The following ENTPD7 variants were observed in gnomAD, a reference collection of about 807,000 sequenced individuals.
ENTPD7 encodes NTPDase 7.
A neutral mutation model predicts 77.9 loss-of-function variants in ENTPD7; 53 were observed. The ratio of observed to expected loss-of-function variants is 0.68; its 90% CI spans 0.55 to 0.85. The LOEUF is 0.85. Ranked by LOEUF, ENTPD7 falls within the 40% of genes least tolerant of loss-of-function variation. The probability of loss-of-function intolerance (pLI) is 0.00; values close to 1 mark genes in which losing one functional copy is unlikely to be tolerated. For missense variants in ENTPD7, 636 were observed against 743.7 expected (o/e 0.86, Z 1.68); for synonymous variants, 248 against 274.9 (o/e 0.90, Z 0.97).
chr10:99,681,155 T>C (rs1210368072), intron 5 of ENTPD7, among the ~76,000 whole-genome samples: 2 of 152,230 alleles, frequency 1.3e-5, no homozygotes, highest in Non-Finnish European at 2.9e-5. Context: ...TCTTGGTTAT[T>C]GTAAATAATG....
chr10:99,689,622 A>G (rs1475013292), intron 7 of ENTPD7, among the ~76,000 whole-genome samples: 1 of 152,242 alleles, frequency 6.6e-6, no homozygotes, highest in Non-Finnish European at 1.5e-5. Context: ...TACTCACATC[A>G]GGAGTTTTGT....
intron 3 of ENTPD7, among the ~76,000 whole-genome samples, chr10:99,673,321 CAAAA>C (rs370518830): frequency 7.0e-6 from 1 of 143,172 alleles, no homozygotes; most frequent in East Asian, 2.0e-4. Flanking sequence ...TTATATATGA[CAAAA>C]AAAAAAGAAA....
intron 9 of ENTPD7, among the ~76,000 whole-genome samples, 191 bp from the exon 10 acceptor site, chr10:99,698,343 C>T (rs901222428): frequency 2.6e-5 from 4 of 152,084 alleles, no homozygotes; most frequent in Admixed American, 6.5e-5. Flanking sequence ...CACCATATTC[C>T]TCTCTTTTTT....
chr10:99,660,315 G>A, intron 2 of ENTPD7: 1 of 985,362 alleles, frequency 1.0e-6, no homozygotes, highest in Non-Finnish European at 1.2e-6. Flanking sequence ...TTTAAAAGCA[G>A]ACAGACCGAG....
At chr10:99,693,557 A>G (rs1035595280) in intron 8 of ENTPD7, among the ~76,000 whole-genome samples, 7 of 152,200 alleles carry the variant, frequency 4.6e-5, no homozygotes, top group African/African-American at 1.4e-4. Flanking sequence ...GTGCAGATTT[A>G]GAAAGGAACA....
At position 99,710,443 on chromosome 10, in the gene ENTPD7, A is replaced by G. The variant is rs2036345459; in HGVS notation, c.*5760A>G. 2 of 977,520 alleles carry G rather than the reference A, an allele frequency of 2.0e-6. No individual in the cohort carries two copies. 60.6% of individuals were successfully genotyped at this position (977,520 alleles called of 1,614,324 possible). A position where few individuals can be genotyped will look rare whatever the true frequency, so the allele number is the denominator to read the frequency against. On this transcript the variant is annotated 3_prime_UTR_variant, in exon 13 of 13. Transcript: ENST00000370489. Reference sequence around the variant, plus strand: ...GTGTAGTGAAAGACATCTTTTTATTATGATCTACACTTTAAAAAACCAAAG... The same window carrying G: ...GTGTAGTGAAAGACATCTTTTTATTGTGATCTACACTTTAAAAAACCAAAG...
chr10:99,677,108 C>T (rs963107297), intron 3 of ENTPD7, among the ~76,000 whole-genome samples: 3 of 152,116 alleles, frequency 2.0e-5, no homozygotes, highest in African/African-American at 7.2e-5. Flanking sequence ...GTTTCAGGAG[C>T]GTGATGCGTG....
intron 3 of ENTPD7, among the ~76,000 whole-genome samples, chr10:99,662,114 G>GT (rs988127044): frequency 1.3e-5 from 2 of 152,012 alleles, no homozygotes; most frequent in African/African-American, 4.8e-5. Context: ...GTTGGGTCTT[G>GT]TTTTTTTATC....
chr10:99,696,249 A>T, intron 9 of ENTPD7, 127 bp downstream of exon 9: 1 of 1,105,936 alleles, frequency 9.0e-7, no homozygotes, highest in Admixed American at 2.6e-5. Flanking sequence ...TACCCCTGCC[A>T]ATGGGGTAGC....
rs775703599 is a variant in ENTPD7, at chr10:99,661,640, T to C, written c.191+12T>C. Reference sequence around the variant, plus strand: ...AGGCAATACGAAAGGTGAGTCAGCTTTAGATTTTGGCACTCAAGTCATAAA... The same window carrying C: ...AGGCAATACGAAAGGTGAGTCAGCTCTAGATTTTGGCACTCAAGTCATAAA... On this transcript the variant is annotated intron_variant, in intron 3 of 12. Transcript: ENST00000370489. 1 of 1,588,902 alleles carries C rather than the reference T, an allele frequency of 6.3e-7. No individual in the cohort carries two copies. The highest frequency in any genetic ancestry group is 1.1e-5 in the South Asian group (1 of 87,326).
In ENTPD7 at chr10:99,710,062, G is replaced by A; in HGVS notation, c.*5379G>A. ...TATAGCCACACATGCATGACTTCAG[G>A]CTAGCATAAAGACATGTCTGCTCCT... On this transcript the variant is annotated 3_prime_UTR_variant, in exon 13 of 13. Transcript: ENST00000370489. The A allele has an allele frequency of 1.0e-6, 1 of 985,384 alleles. No homozygotes were observed. The highest frequency in any genetic ancestry group is 1.2e-6 in the Non-Finnish European group (1 of 829,922). 61.0% of individuals were successfully genotyped at this position (985,384 alleles called of 1,614,324 possible).
chr10:99,678,619 A>G (rs2035714831), intron 3 of ENTPD7, among the ~76,000 whole-genome samples: 1 of 148,990 alleles, frequency 6.7e-6, no homozygotes, highest in African/African-American at 2.5e-5. Context: ...AATCAAAAAT[A>G]TCACCACCCA....
At chr10:99,691,664 T>C in intron 8 of ENTPD7, 146 bp downstream of exon 8, 1 of 760,864 alleles carries the variant, frequency 1.3e-6, no homozygotes, top group Non-Finnish European at 2.1e-6. Flanking sequence ...GTAGGTTACC[T>C]CTCTGAGCCT....
At chr10:99,679,910 G>A in intron 5 of ENTPD7, 35 bp downstream of exon 5, 2 of 1,588,754 alleles carry the variant, frequency 1.3e-6, no homozygotes, top group Non-Finnish European at 1.7e-6. Context: ...CAGGAAAACG[G>A]TGGCACAAGA....
intron 3 of ENTPD7, among the ~76,000 whole-genome samples, chr10:99,672,621 A>G (rs993063748): frequency 6.6e-6 from 1 of 152,090 alleles, no homozygotes; most frequent in African/African-American, 2.4e-5. Flanking sequence ...TTTGATCTTA[A>G]TGGTGTTTTG....
intron 11 of ENTPD7, among the ~76,000 whole-genome samples, chr10:99,701,904 AG>A (rs2133519430): frequency 6.6e-6 from 1 of 151,834 alleles, no homozygotes; most frequent in South Asian, 2.1e-4. Flanking sequence ...AAAAATTAGC[AG>A]GGTTTGGTGG....
At chr10:99,703,573 G>A (rs1362129878) in intron 12 of ENTPD7, among the ~76,000 whole-genome samples, 2 of 152,330 alleles carry the variant, frequency 1.3e-5, no homozygotes, top group Non-Finnish European at 2.9e-5. Context: ...GATCTGGACT[G>A]CTGAAGAGTG....
At chr10:99,682,484 AT>A (rs903551862) in intron 5 of ENTPD7, among the ~76,000 whole-genome samples, 19 of 152,296 alleles carry the variant, frequency 1.2e-4, no homozygotes, top group African/African-American at 4.6e-4. Flanking sequence ...TCTTTAAAAA[AT>A]TTTTTGTTTT....
At chr10:99,660,559 C>G (rs7093631) in intron 2 of ENTPD7, 79,603 of 266,718 alleles carry the variant, frequency 0.3, 11,586 homozygotes, top group East Asian at 0.34. Context: ...CACACACACA[C>G]ACAGAGATAT....
Sources: allele counts gnomAD v4.1 joint callset (sites outside exome capture counted in the v4.1 genomes callset), GRCh38; gene constraint gnomAD v4.1.1; transcripts MANE v1.5; gene names NCBI Gene and HGNC (gene_info 2026-07-23, HGNC 2026-07-21).